The following NUAK2 variants were observed in gnomAD, a reference collection of about 807,000 sequenced individuals.
NUAK2 encodes NUAK family kinase 2, also known as NUAK family SNF1-like kinase 2.
A neutral mutation model predicts 29.8 loss-of-function variants in NUAK2; 20 were observed. That is an observed-to-expected ratio of 0.67 (90% CI 0.47 to 0.98). The LOEUF is 0.98. Among genes scored for constraint, NUAK2 ranks in the 50% least tolerant of loss-of-function variants. The pLI is 0.00. For synonymous variants in NUAK2, 331 were observed against 342.6 expected, an observed-to-expected ratio of 0.97 and a Z score of 0.37; for missense variants, 719 against 834.5, an observed-to-expected ratio of 0.86 and a Z score of 1.71.
chr1:205,313,849 G>T (rs1662288608), intron 1 of NUAK2, among the ~76,000 whole-genome samples: 3 of 152,200 alleles, frequency 2.0e-5, no homozygotes, highest in Non-Finnish European at 1.5e-5. Flanking sequence ...GCTGCCCAAG[G>T]ACGCAAATGG....
intron 1 of NUAK2, among the ~76,000 whole-genome samples, chr1:205,316,877 G>T (rs923843351): frequency 1.3e-5 from 2 of 152,108 alleles, no homozygotes; most frequent in African/African-American, 2.4e-5. Flanking sequence ...ATTCTATTTT[G>T]CAAACAGCAC....
At chr1:205,317,787 T>C (rs1165005267) in intron 1 of NUAK2, among the ~76,000 whole-genome samples, 1 of 152,190 alleles carries the variant, frequency 6.6e-6, no homozygotes, top group Non-Finnish European at 1.5e-5. Flanking sequence ...AGTCCTTCTC[T>C]GGAGCTGGGG....
chr1:205,312,697 G>A (rs553470202), intron 1 of NUAK2, among the ~76,000 whole-genome samples: 203 of 152,268 alleles, frequency 1.3e-3, no homozygotes, highest in African/African-American at 4.6e-3. Context: ...AGCTATAGGC[G>A]CGTGCTGAGG....
chr1:205,309,395 C>T (rs1167995243), intron 2 of NUAK2, among the ~76,000 whole-genome samples: 3 of 152,098 alleles, frequency 2.0e-5, no homozygotes, highest in Admixed American at 6.5e-5. Flanking sequence ...GGCGTGGTCT[C>T]GGCTCACTGC....
intron 1 of NUAK2, among the ~76,000 whole-genome samples, chr1:205,320,665 T>C (rs1662401162): frequency 6.6e-6 from 1 of 152,168 alleles, no homozygotes; most frequent in Non-Finnish European, 1.5e-5. Context: ...TTTCTACAGT[T>C]CTGCAAAAGG....
At chr1:205,313,962 G>A (rs781686983) in intron 1 of NUAK2, among the ~76,000 whole-genome samples, 3 of 152,332 alleles carry the variant, frequency 2.0e-5, no homozygotes, top group East Asian at 1.9e-4. Context: ...GAGGGTTTGC[G>A]TCCCCTCAAG....
Position 205,308,524 on chromosome 1 carries a change from C to T in NUAK2, c.504+57G>A. On this transcript the variant is annotated intron_variant, in intron 3 of 6. Transcript: ENST00000367157. This position sits in a 1 kb window ranked among gnomAD's most constrained non-coding sequence, Gnocchi z 4.1. Reference sequence around the variant, plus strand: ...ATGGAACCTCTCTGGTCCAAAACAGCCCTAGAGCCCTGGGGACCACCCACT... The same window carrying T: ...ATGGAACCTCTCTGGTCCAAAACAGTCCTAGAGCCCTGGGGACCACCCACT... 1 of 1,579,222 alleles carries T rather than the reference C, an allele frequency of 6.3e-7. No homozygotes were observed. The highest frequency in any genetic ancestry group is 8.7e-7 in the Non-Finnish European group (1 of 1,152,020).
chr1:205,321,367 G>T (rs202117685), intron 1 of NUAK2, 31 bp downstream of exon 1: 2 of 1,578,708 alleles, frequency 1.3e-6, no homozygotes, highest in African/African-American at 2.7e-5. Context: ...GCCGGAGCCC[G>T]CCCCGCGCCG....
chr1:205,306,435 C>T, intron 4 of NUAK2, 128 bp from the exon 5 acceptor site: 1 of 1,216,274 alleles, frequency 8.2e-7, no homozygotes, highest in Non-Finnish European at 1.1e-6. Flanking sequence ...TCCCCATGAC[C>T]CTTACCCCAC....
chr1:205,315,006 T>C (rs138577954), intron 1 of NUAK2, among the ~76,000 whole-genome samples: 1,758 of 152,302 alleles, frequency 0.012, 14 homozygotes, highest in Admixed American at 0.016. Flanking sequence ...CAGAAGCCCA[T>C]GATTCTACAT....
chr1:205,304,200 C>T lies in NUAK2; in HGVS notation c.1137G>A (p.Lys379=), dbSNP rs147830287. The stretch of plus-strand genomic sequence containing the variant: ...GGAGAGACTGGGCCATGTCATTCTC[C>T]TTGCGGGACTTCTTGAGCGAATGCT... ...ERQHSLKKSR[K]ENDMAQSLHS... Residue 379 remains lysine (K), a synonymous_variant, in exon 7 of 7, where the codon AAG becomes AAA. Transcript: ENST00000367157. The surrounding 1 kb of genome is among the most constrained non-coding windows in gnomAD (Gnocchi z 6.5). 2.5e-6 allele frequency: 4 copies of T among 1,614,096 alleles called. No individual in the cohort carries two copies. In the African/African-American group the frequency reaches 5.3e-5, roughly 22 times the overall value.
At chr1:205,314,880 G>A (rs1285315841) in intron 1 of NUAK2, among the ~76,000 whole-genome samples, 5 of 152,072 alleles carry the variant, frequency 3.3e-5, no homozygotes, top group African/African-American at 4.8e-5. Context: ...AGATGACAAG[G>A]CCTAAAATAA....
At position 205,321,584 on chromosome 1, in the gene NUAK2, C is replaced by T. The variant is rs374138017; in HGVS notation, c.45G>A (p.Ser15=). The change falls in exon 1 of 7, where the codon TCG becomes TCA. Residue 15 remains serine, a synonymous_variant. Transcript: ENST00000367157. ...CCAGCGGCCGGGCTAGCTCTGCGGC[C>T]GAGGGAGTGGGGCCGGAGCGCCGCG... ...VFARRSGPTP[S]AAELARPLAE... The T allele has an allele frequency of 4.1e-5, 66 of 1,612,832 alleles. No individual in the cohort carries two copies. Among genetic ancestry groups the T allele is most frequent in the Non-Finnish European group, 4.7e-5 (55 of 1,179,848 alleles).
chr1:205,303,608 G>A lies in NUAK2; in HGVS notation c.1729C>T (p.Leu577Phe). The change falls in exon 7 of 7, where the codon CTC becomes TTC. Residue 577 changes from leucine to phenylalanine, a missense_variant. Coordinates refer to ENST00000367157, the MANE Select transcript of NUAK2 (RefSeq NM_030952.3). Reference protein sequence around the residue: ...PLRGCVSVDNLTGLEEPPSEG... With the variant: ...PLRGCVSVDNFTGLEEPPSEG... ...GAGGGGGGCTCCTCAAGCCCCGTGAGGTTGTCCACAGACACACAGCCCCGC... is the reference window on the plus strand; with the variant it reads ...GAGGGGGGCTCCTCAAGCCCCGTGAAGTTGTCCACAGACACACAGCCCCGC... 1.9e-6 allele frequency: 3 copies of A among 1,610,684 alleles called. No homozygotes were observed. Among genetic ancestry groups the A allele is most frequent in the Non-Finnish European group, 2.5e-6 (3 of 1,178,872 alleles).
intron 1 of NUAK2, among the ~76,000 whole-genome samples, chr1:205,313,391 C>T (rs1003452376): frequency 1.1e-4 from 16 of 152,240 alleles, no homozygotes; most frequent in African/African-American, 3.1e-4. Context: ...CACATGAGGA[C>T]GAAGCCCTCC....
In NUAK2 at chr1:205,304,285, C is replaced by T; in HGVS notation, c.1052G>A (p.Cys351Tyr). The change falls in exon 7 of 7, where the codon TGC becomes TAC. Residue 351 changes from cysteine to tyrosine, a missense_variant. Cys to Tyr is a radical substitution (Grantham distance 194). Transcript: ENST00000367157. The surrounding 1 kb of genome is among the most constrained non-coding windows in gnomAD (Gnocchi z 6.5). ...AGGTGCATGCTGCTTGAAGAAGCTG[C>T]ACACCTTGGCCCCATTCTCCAGGAG... ...RPLLENGAKV[C>Y]SFFKQHAPGG... The T allele has an allele frequency of 1.2e-6, 2 of 1,613,496 alleles. No individual in the cohort carries two copies. The highest frequency in any genetic ancestry group is 1.3e-5 in the African/African-American group (1 of 75,050).
chr1:205,308,613 G>C lies in NUAK2; in HGVS notation c.472C>G (p.Gln158Glu). The C allele has an allele frequency of 6.2e-7, 1 of 1,614,102 alleles. No homozygotes were observed. The highest frequency in any genetic ancestry group is 8.5e-7 in the Non-Finnish European group (1 of 1,180,010). Residue 158 changes from glutamine (Q) to glutamate (E), a missense_variant, in exon 3 of 7, where the codon CAG becomes GAG. Physicochemically the swap from Gln to Glu is conservative, Grantham distance 29. This residue lies in a region of NUAK2 where 283 missense variants were observed against 345.6 expected (regional missense o/e 0.82). Coordinates refer to ENST00000367157, the MANE Select transcript of NUAK2 (RefSeq NM_030952.3). This position sits in a 1 kb window ranked among gnomAD's most constrained non-coding sequence, Gnocchi z 4.1. ...SEREARHFFR[Q>E]IVSAVHYCHQ... is the part of the protein sequence containing the mutation. ...CAATAGTGCACGGCAGAGACGATCTGCCGGAAGAAATGCCTAGCTTCGCGC... is the reference window on the plus strand; with the variant it reads ...CAATAGTGCACGGCAGAGACGATCTCCCGGAAGAAATGCCTAGCTTCGCGC...
At chr1:205,312,811 TAAAGA>T (rs1662274050) in intron 1 of NUAK2, among the ~76,000 whole-genome samples, 1 of 151,788 alleles carries the variant, frequency 6.6e-6, no homozygotes, top group Admixed American at 6.6e-5. Flanking sequence ...TATAAAAAAA[TAAAGA>T]AAAGAAATGT....
intron 4 of NUAK2, among the ~76,000 whole-genome samples, chr1:205,306,967 C>T (rs1300179387): frequency 1.3e-5 from 2 of 152,304 alleles, no homozygotes; most frequent in Non-Finnish European, 2.9e-5. Flanking sequence ...AACTTGGTGG[C>T]AGGAACCTGG....
Sources: allele counts gnomAD v4.1 joint callset (sites outside exome capture counted in the v4.1 genomes callset), GRCh38; gene constraint gnomAD v4.1.1; regional missense constraint gnomAD v4.1.1; non-coding constraint Gnocchi (gnomAD v3.1); transcripts MANE v1.5; gene names NCBI Gene and HGNC (gene_info 2026-07-23, HGNC 2026-07-21).